The following LIN28B variants were observed in gnomAD, a reference collection of about 807,000 sequenced individuals.
The protein encoded by LIN28B is protein lin-28 homolog B.
In LIN28B, 5 loss-of-function variants were observed where a neutral mutation model predicts 21.9. The ratio of observed to expected loss-of-function variants is 0.23; its 90% confidence interval spans 0.12 to 0.48. The LOEUF (loss-of-function observed/expected upper bound fraction) is 0.48, where lower values mean the gene tolerates loss of function less well. LIN28B is among the 20% of genes least tolerant of loss of function. LIN28B has a pLI of 0.98. For synonymous variants in LIN28B, 109 were observed against 111.3 expected (o/e 0.98, Z 0.13); for missense variants, 245 against 310.5 (o/e 0.79, Z 1.58).
chr6:104,952,283 T>C (rs1466078076), upstream of LIN28B, among the ~76,000 whole-genome samples: 1 of 152,244 alleles, frequency 6.6e-6, no homozygotes, highest in Non-Finnish European at 1.5e-5. Flanking sequence ...AGTAGTACAG[T>C]TGAAAAATAC....
At chr6:105,031,146 AT>A (rs66908287) in intron 3 of LIN28B, among the ~76,000 whole-genome samples, 15,837 of 151,860 alleles carry the variant, frequency 0.1, 858 homozygotes, top group Admixed American at 0.16. Flanking sequence ...AAACTTTTAA[AT>A]TTTCATTTAT....
At chr6:104,962,090 G>T (rs143760428) in intron 2 of LIN28B, among the ~76,000 whole-genome samples, 1 of 152,098 alleles carries the variant, frequency 6.6e-6, no homozygotes, top group African/African-American at 2.4e-5. Context: ...TTCTGGGAAG[G>T]TGTAGAATAC....
chr6:105,024,283 C>T (rs997019915), intron 2 of LIN28B, among the ~76,000 whole-genome samples: 2 of 151,930 alleles, frequency 1.3e-5, no homozygotes, highest in South Asian at 2.1e-4. Context: ...TGAGCTACCG[C>T]GCTTAGCCCA....
intron 3 of LIN28B, among the ~76,000 whole-genome samples, chr6:105,060,100 T>A (rs1772097903): frequency 1.3e-5 from 2 of 152,082 alleles, no homozygotes; most frequent in Non-Finnish European, 2.9e-5. Context: ...ACAGGGCTTC[T>A]CCATGTTGGT....
At chr6:105,035,939 T>C (rs921987213) in intron 3 of LIN28B, among the ~76,000 whole-genome samples, 2 of 152,162 alleles carry the variant, frequency 1.3e-5, no homozygotes, top group African/African-American at 4.8e-5. Flanking sequence ...GTTGTAATTA[T>C]ACAATGTTGA....
At chr6:105,056,086 A>G (rs953336007) in intron 3 of LIN28B, among the ~76,000 whole-genome samples, 2 of 151,678 alleles carry the variant, frequency 1.3e-5, no homozygotes, top group South Asian at 2.1e-4. Flanking sequence ...TTCTACCACT[A>G]TTCCTCATTT....
At chr6:104,970,936 A>G (rs940706372) in intron 2 of LIN28B, among the ~76,000 whole-genome samples, 1 of 152,094 alleles carries the variant, frequency 6.6e-6, no homozygotes, top group Non-Finnish European at 1.5e-5. Context: ...TTAAATGAGG[A>G]TAAGTGTTTG....
chr6:105,004,661 A>AT (rs1027040414), intron 2 of LIN28B, among the ~76,000 whole-genome samples: 18 of 152,114 alleles, frequency 1.2e-4, no homozygotes, highest in East Asian at 3.9e-4. Context: ...GTATATAGTG[A>AT]TTTTTTTTGT....
Position 105,081,447 on chromosome 6 carries a change from T to C in LIN28B, c.*2664T>C, listed in dbSNP as rs1364673019. 2 of 152,662 alleles carry C rather than the reference T, an allele frequency of 1.3e-5. No homozygotes were observed. The highest frequency in any genetic ancestry group is 6.5e-5 in the Admixed American group (1 of 15,276). The allele number at this position is 152,662 out of a possible 1,614,324, so 9.5% of individuals were successfully genotyped here. On this transcript the variant is annotated 3_prime_UTR_variant, in exon 4 of 4. Transcript: ENST00000345080. ...TTTACAGCAAAAGGCTACCTCATAGTTGATACATAGCACACCTGTATGTAT... is the reference window on the plus strand; with the variant it reads ...TTTACAGCAAAAGGCTACCTCATAGCTGATACATAGCACACCTGTATGTAT...
chr6:104,975,158 G>A (rs1178759072), intron 2 of LIN28B, among the ~76,000 whole-genome samples: 2 of 151,926 alleles, frequency 1.3e-5, no homozygotes, highest in Non-Finnish European at 2.9e-5. Flanking sequence ...TTTGTTTAAA[G>A]GATAAATACA....
chr6:105,017,523 T>C (rs1283803233), intron 2 of LIN28B, among the ~76,000 whole-genome samples: 1 of 152,226 alleles, frequency 6.6e-6, no homozygotes, highest in African/African-American at 2.4e-5. Context: ...CCTTATGAGA[T>C]ATTTTGTATT....
At chr6:104,970,366 G>A (rs1205777756) in intron 2 of LIN28B, among the ~76,000 whole-genome samples, 1 of 152,126 alleles carries the variant, frequency 6.6e-6, no homozygotes, top group Non-Finnish European at 1.5e-5. Context: ...GGAAAGGAAA[G>A]AAAACTTTCT....
intron 3 of LIN28B, among the ~76,000 whole-genome samples, chr6:105,063,525 A>G (rs1290816315): frequency 6.6e-6 from 1 of 151,128 alleles, no homozygotes; most frequent in Admixed American, 6.6e-5. Flanking sequence ...AGTCCCAGCT[A>G]CTCGAGAGGC....
chr6:105,054,004 A>G lies in LIN28B; in HGVS notation c.384-24410A>G, dbSNP rs533154240. ...GGTGATCCACCTGCCTCGGCCTCCC[A>G]AAGTACTGGGATTACAGGCGTGAGA... On this transcript the variant is annotated intron_variant, in intron 3 of 3. Transcript: ENST00000345080. 2.6e-5 allele frequency among the ~76,000 whole-genome samples: 4 copies of G among 152,140 alleles called. No homozygotes were observed. The South Asian group carries it at 8.3e-4, about 32-fold the overall frequency.
At chr6:105,011,519 C>T (rs1770922499) in intron 2 of LIN28B, among the ~76,000 whole-genome samples, 1 of 152,200 alleles carries the variant, frequency 6.6e-6, no homozygotes, top group South Asian at 2.1e-4. Flanking sequence ...TAATGCAACC[C>T]TCTGGGTGTA....
At chr6:105,006,602 G>A (rs996740733) in intron 2 of LIN28B, among the ~76,000 whole-genome samples, 6 of 152,082 alleles carry the variant, frequency 3.9e-5, no homozygotes, top group Non-Finnish European at 8.8e-5. Context: ...GTGAGCCACC[G>A]CGCCCAGCCT....
chr6:105,024,071 C>T (rs1384405205), intron 2 of LIN28B, among the ~76,000 whole-genome samples: 1 of 152,040 alleles, frequency 6.6e-6, no homozygotes, highest in African/African-American at 2.4e-5. Context: ...TCACTGCAAC[C>T]TCCGCCTCCC....
At chr6:104,960,410 A>G (rs904921446) in intron 2 of LIN28B, among the ~76,000 whole-genome samples, 5 of 152,042 alleles carry the variant, frequency 3.3e-5, no homozygotes, top group African/African-American at 1.2e-4. Context: ...TTTTATTATT[A>G]TTTTAGAGGC....
In LIN28B at chr6:105,081,197, C is replaced by T. The variant is rs1582938981; in HGVS notation, c.*2414C>T. Reference sequence around the variant, plus strand: ...AGACTAGTCTACAGTCCTGCTTACTCAAAACAAACCAAATAACTTATACCT... The same window carrying T: ...AGACTAGTCTACAGTCCTGCTTACTTAAAACAAACCAAATAACTTATACCT... On this transcript the variant is annotated 3_prime_UTR_variant, in exon 4 of 4. Coordinates refer to ENST00000345080, the MANE Select transcript of LIN28B (RefSeq NM_001004317.4). 6.6e-6 allele frequency: 1 copy of T among 152,576 alleles called. No homozygotes were observed. Among genetic ancestry groups the T allele is most frequent in the Admixed American group, 6.5e-5 (1 of 15,276 alleles). 9.5% of individuals were successfully genotyped at this position (152,576 alleles called of 1,614,324 possible).
Sources: gnomAD v4.1 joint callset for allele counts (sites outside exome capture counted in the v4.1 genomes callset) on GRCh38, gnomAD v4.1.1 for gene constraint, MANE v1.5 for transcripts, NCBI Gene and HGNC (gene_info 2026-07-23, HGNC 2026-07-21) for gene names.